Variants in FILIP1 observed in about 807,000 individuals in gnomAD.
FILIP1 encodes the protein filamin A interacting protein 1.
FILIP1 carries 61 observed loss-of-function variants against 102.1 expected under a neutral mutation model. The ratio of observed to expected loss-of-function variants is 0.60; its 90% confidence interval spans 0.49 to 0.74. FILIP1 has a LOEUF of 0.74. FILIP1 is among the 30% of genes least tolerant of loss of function. The pLI, the probability that FILIP1 is intolerant of heterozygous loss-of-function variation, is 0.00. For missense variants in FILIP1, 1,314 were observed against 1,441.2 expected, an observed-to-expected ratio of 0.91 and a Z score of 1.43; for synonymous variants, 491 against 526.9, an observed-to-expected ratio of 0.93 and a Z score of 0.93.
At chr6:75,321,835 A>C (rs1773674510) in intron 4 of FILIP1, among the ~76,000 whole-genome samples, 1 of 152,144 alleles carries the variant, frequency 6.6e-6, no homozygotes, top group Non-Finnish European at 1.5e-5. Context: ...GTGATCTCCA[A>C]AGTAGAACAT....
At position 75,454,528 on chromosome 6, in the gene FILIP1, A is replaced by C. The variant is rs114952991; in HGVS notation, c.-7+38886T>G. 3.6e-3 allele frequency among the ~76,000 whole-genome samples: 547 copies of C among 152,320 alleles called. 1 individual carries two copies. Among genetic ancestry groups the C allele is most frequent in the African/African-American group, 0.013 (521 of 41,558 alleles). On this transcript the variant is annotated intron_variant, in intron 1 of 5. Coordinates refer to ENST00000237172, the MANE Select transcript of FILIP1 (RefSeq NM_015687.5). ...GTAGCATTCACAGGAGTCAGAGATTAAGGTGTGGACATCTTCAGGGGGGCT... is the reference window on the plus strand; with the variant it reads ...GTAGCATTCACAGGAGTCAGAGATTCAGGTGTGGACATCTTCAGGGGGGCT...
chr6:75,457,992 A>G (rs560264167), intron 1 of FILIP1, among the ~76,000 whole-genome samples: 1 of 152,340 alleles, frequency 6.6e-6, no homozygotes, highest in East Asian at 1.9e-4. Context: ...CCCCACCAAT[A>G]AGGCTACCAG....
chr6:75,362,745 T>A lies in FILIP1; in HGVS notation c.449A>T (p.Glu150Val). Residue 150 changes from glutamate (E) to valine (V), a missense_variant and splice_region_variant, in exon 3 of 6, where the codon GAG (glutamate) becomes GTG (valine). Around this residue, in one of 3 missense-constraint regions of FILIP1, gnomAD observed 494 missense variants for 511.2 expected, o/e 0.97. Transcript: ENST00000237172. ...GEDVYEKPIS[E>V]LDRLEEKQKE... The stretch of plus-strand genomic sequence containing the variant: ...GACTTGTTGGTGTCATATTTTTACC[T>A]CTGAAATCGGTTTCTCATAGACATC... The A allele has an allele frequency of 6.2e-7, 1 of 1,612,742 alleles. No homozygotes were observed. The highest frequency in any genetic ancestry group is 8.5e-7 in the Non-Finnish European group (1 of 1,179,742).
At chr6:75,475,415 G>T (rs1779447024) in intron 1 of FILIP1, among the ~76,000 whole-genome samples, 1 of 152,104 alleles carries the variant, frequency 6.6e-6, no homozygotes, top group Non-Finnish European at 1.5e-5. Flanking sequence ...CACAGTACTG[G>T]TTGTATTTAT....
chr6:75,308,875 T>C lies in FILIP1; in HGVS notation c.3458A>G (p.Gln1153Arg), dbSNP rs1773081104. Residue 1153 changes from glutamine (Q) to arginine (R), a missense_variant, in exon 6 of 6, where the codon CAG becomes CGG. By Grantham distance (43) the Gln-to-Arg change is conservative. Transcript: ENST00000237172. ...AGGAATGCGGGTGGGTGTAGGCCGC[T>C]GGGATGACCCGTCTTGTCCTGACTG... The part of the protein sequence containing the change: ...QSVSGQDGSS[Q>R]RPTPTRIPMS... 11 of 1,614,130 alleles carry C rather than the reference T, an allele frequency of 6.8e-6. No individual in the cohort carries two copies. The highest frequency in any genetic ancestry group is 9.3e-6 in the Non-Finnish European group (11 of 1,180,012).
chr6:75,402,254 T>G (rs143224062), intron 2 of FILIP1, among the ~76,000 whole-genome samples: 36 of 152,238 alleles, frequency 2.4e-4, no homozygotes, highest in African/African-American at 6.3e-4. Flanking sequence ...CAAAGCTCTT[T>G]GCCAAAATAT....
At chr6:75,392,918 G>A (rs1023460113) in intron 2 of FILIP1, among the ~76,000 whole-genome samples, 3 of 152,128 alleles carry the variant, frequency 2.0e-5, no homozygotes, top group Non-Finnish European at 2.9e-5. Flanking sequence ...CGCCATGATC[G>A]TGAGGCCTCT....
At chr6:75,415,492 A>C (rs1033042153) in intron 1 of FILIP1, among the ~76,000 whole-genome samples, 2 of 149,064 alleles carry the variant, frequency 1.3e-5, no homozygotes, top group Non-Finnish European at 3.0e-5. Flanking sequence ...GAAAAATCAA[A>C]CCTGAAACCC....
chr6:75,491,904 A>G (rs1438328491), intron 1 of FILIP1, among the ~76,000 whole-genome samples: 1 of 152,242 alleles, frequency 6.6e-6, no homozygotes, highest in South Asian at 2.1e-4. Context: ...AAAAGAAATT[A>G]CATGCCTAGA....
intron 1 of FILIP1, among the ~76,000 whole-genome samples, chr6:75,452,632 G>A (rs748780185): frequency 2.1e-4 from 32 of 152,076 alleles, no homozygotes; most frequent in South Asian, 4.1e-4. Context: ...GTTTATTCAC[G>A]TTATAGGAAA....
intron 1 of FILIP1, among the ~76,000 whole-genome samples, chr6:75,485,555 C>T (rs942760346): frequency 6.6e-6 from 1 of 152,120 alleles, no homozygotes; most frequent in Non-Finnish European, 1.5e-5. Flanking sequence ...TCTTTCTGGC[C>T]ACTGGCATAA....
intron 1 of FILIP1, among the ~76,000 whole-genome samples, chr6:75,426,226 T>C (rs1777620857): frequency 6.6e-6 from 1 of 151,964 alleles, no homozygotes; most frequent in African/African-American, 2.4e-5. Flanking sequence ...TTTACAGTAA[T>C]TAGAAAATGA....
intron 1 of FILIP1, among the ~76,000 whole-genome samples, chr6:75,485,062 G>A (rs1376836844): frequency 6.6e-6 from 1 of 151,224 alleles, no homozygotes; most frequent in African/African-American, 2.4e-5. Flanking sequence ...TTCTGGGTGG[G>A]TGAAAAAAAA....
intron 1 of FILIP1, among the ~76,000 whole-genome samples, chr6:75,444,960 T>C (rs1184578161): frequency 6.6e-6 from 1 of 152,196 alleles, no homozygotes. Flanking sequence ...ACCTCAGAAC[T>C]TGTGACTGAT....
At chr6:75,379,160 T>C (rs927992468) in intron 2 of FILIP1, among the ~76,000 whole-genome samples, 5 of 152,236 alleles carry the variant, frequency 3.3e-5, no homozygotes, top group Non-Finnish European at 5.9e-5. Context: ...TAAAAGTAAG[T>C]TGTTATTATT....
rs112240066 is a variant in FILIP1 at position 75,414,900 on chromosome 6, C to T, written c.73G>A (p.Gly25Ser). Residue 25 changes from glycine to serine, a missense_variant, in exon 2 of 6, where the codon GGC (glycine) becomes AGC (serine). Physicochemically the swap from Gly to Ser is moderately conservative, Grantham distance 56. Transcript: ENST00000237172. ...GAGAGACTTTTTTCACCAGCATTGC[C>T]GATGATGGAGGGCTTGGGACAGGAG... ...HISCPKPSII[G>S]NAGEKSLSED... 55 of 1,613,660 alleles carry T rather than the reference C, an allele frequency of 3.4e-5. No homozygotes were observed. The highest frequency in any genetic ancestry group is 1.6e-4 in the African/African-American group (12 of 74,862).
intron 4 of FILIP1, among the ~76,000 whole-genome samples, chr6:75,331,717 C>A (rs376091232): frequency 3.3e-5 from 5 of 152,100 alleles, no homozygotes; most frequent in African/African-American, 7.2e-5. Context: ...TGCCATGCTG[C>A]GACTCTATTT....
intron 2 of FILIP1, among the ~76,000 whole-genome samples, chr6:75,393,250 T>A (rs987939409): frequency 6.6e-5 from 10 of 152,156 alleles, no homozygotes; most frequent in African/African-American, 2.2e-4. Flanking sequence ...GGAATTTTTT[T>A]AAAAGACATA....
intron 1 of FILIP1, among the ~76,000 whole-genome samples, chr6:75,483,892 G>A (rs1173415441): frequency 6.6e-6 from 1 of 152,106 alleles, no homozygotes; most frequent in Non-Finnish European, 1.5e-5. Flanking sequence ...GCTGGGGGGA[G>A]ATGAACAATT....
Sources: allele counts gnomAD v4.1 joint callset (sites outside exome capture counted in the v4.1 genomes callset), GRCh38; gene constraint gnomAD v4.1.1; regional missense constraint gnomAD v4.1.1; transcripts MANE v1.5; gene names NCBI Gene and HGNC (gene_info 2026-07-23, HGNC 2026-07-21).